Variants in CTNND2 observed in about 807,000 individuals in gnomAD.
The protein encoded by CTNND2 is catenin delta 2.
A neutral mutation model predicts 144.4 loss-of-function variants in CTNND2; 22 were observed. The ratio of observed to expected loss-of-function variants is 0.15; its 90% CI spans 0.11 to 0.22. CTNND2 has a LOEUF of 0.22. CTNND2 is among the 10% of genes least tolerant of loss of function. The pLI is 1.00. For synonymous variants in CTNND2, 751 were observed against 695.6 expected, an observed-to-expected ratio of 1.08 and a Z score of -1.25; for missense variants, 1,353 against 1,618.8, an observed-to-expected ratio of 0.84 and a Z score of 2.82.
intron 18 of CTNND2, among the ~76,000 whole-genome samples, chr5:11,013,235 T>C (rs1741271892): frequency 6.6e-6 from 1 of 152,208 alleles, no homozygotes; most frequent in South Asian, 2.1e-4. Flanking sequence ...GACTTCTCCA[T>C]GGGTGTCCAC....
At chr5:11,411,970 T>C (rs1300874947) in intron 4 of CTNND2, 65 bp downstream of exon 4, 2 of 1,301,232 alleles carry the variant, frequency 1.5e-6, no homozygotes, top group African/African-American at 2.9e-5. Flanking sequence ...CTAAAGTTCA[T>C]AAGAAAAGTC....
rs1316786685 is a variant in CTNND2 at position 11,346,602 on chromosome 5, G to T, written c.1398C>A (p.Ser466=). 11 of 1,549,602 alleles carry T rather than the reference G, an allele frequency of 7.1e-6. No individual in the cohort carries two copies. The highest frequency in any genetic ancestry group is 9.6e-6 in the Non-Finnish European group (11 of 1,146,798). The change falls in exon 9 of 22, where the codon TCC becomes TCA. Residue 466 remains serine, a synonymous_variant. Transcript: ENST00000304623. ...GGCTGCCTGTGCGCTGCAAGGGGAC[G>T]GAGTCGACACCAGGGGAAGATGGGG... ...STAPSSPGVD[S]VPLQRTGSQH...
intron 2 of CTNND2, among the ~76,000 whole-genome samples, chr5:11,597,672 C>G (rs544059819): frequency 6.6e-5 from 10 of 152,146 alleles, no homozygotes; most frequent in African/African-American, 1.7e-4. Context: ...CTCTCAGACT[C>G]AGGTGATCCT....
At chr5:11,733,753 T>A (rs1299435671) in intron 1 of CTNND2, among the ~76,000 whole-genome samples, 2 of 152,152 alleles carry the variant, frequency 1.3e-5, no homozygotes, top group Non-Finnish European at 2.9e-5. Context: ...CTGAGTTTAT[T>A]TGTGAAAGAA....
At chr5:11,861,818 G>GC (rs1482723600) in intron 1 of CTNND2, among the ~76,000 whole-genome samples, 3 of 152,150 alleles carry the variant, frequency 2.0e-5, no homozygotes, top group Admixed American at 1.3e-4. Context: ...CTGTGTGCCA[G>GC]CCATGATTGG....
chr5:11,127,592 G>T (rs1754806186), intron 12 of CTNND2, among the ~76,000 whole-genome samples: 1 of 152,166 alleles, frequency 6.6e-6, no homozygotes, highest in African/African-American at 2.4e-5. Context: ...CATTGGCTGG[G>T]CTGGGTTTCC....
In CTNND2 at chr5:11,903,963, T is replaced by C; in HGVS notation, c.-110A>G. 2.4e-6 allele frequency: 3 copies of C among 1,226,936 alleles called. No homozygotes were observed. Among genetic ancestry groups the C allele is most frequent in the Non-Finnish European group, 3.1e-6 (3 of 967,346 alleles). The allele number at this position is 1,226,936 out of a possible 1,614,324, so 76.0% of individuals were successfully genotyped here. A position where few individuals can be genotyped will look rare whatever the true frequency, so the allele number is the denominator to read the frequency against. On this transcript the variant is annotated 5_prime_UTR_variant, in exon 1 of 22. Coordinates refer to ENST00000304623, the MANE Select transcript of CTNND2 (RefSeq NM_001332.4). The surrounding 1 kb of genome is among the most constrained non-coding windows in gnomAD (Gnocchi z 5.4). ...CCAACTGCAGCATCTTCCGCTTTTGTTGTCTGAGCGCGGCCGCGGGACAAG... is the reference window on the plus strand; with the variant it reads ...CCAACTGCAGCATCTTCCGCTTTTGCTGTCTGAGCGCGGCCGCGGGACAAG...
rs199736420 is a variant in CTNND2 at position 11,851,259 on chromosome 5, ACATG to A, written c.37+52554_37+52557del. Among the ~76,000 whole-genome samples the A allele has an allele frequency of 4.3e-5, 6 of 139,930 alleles. No individual in the cohort carries two copies. In the East Asian group the frequency reaches 8.4e-4, roughly 20 times the overall value. The allele number at this position is 139,930 out of a possible 152,430, so 91.8% of individuals were successfully genotyped here. ...ATAATATTCATATTATCTCTCTAATACATGCGTGTGTGTGCGTATGTGGGTGTGA... is the reference window on the plus strand; with the variant it reads ...ATAATATTCATATTATCTCTCTAATACGTGTGTGTGCGTATGTGGGTGTGA... On this transcript the variant is annotated intron_variant, in intron 1 of 21. Transcript: ENST00000304623.
At chr5:11,585,010 C>T (rs1044579984) in intron 2 of CTNND2, among the ~76,000 whole-genome samples, 2 of 152,108 alleles carry the variant, frequency 1.3e-5, no homozygotes, top group Non-Finnish European at 2.9e-5. Context: ...GCAGATAAAT[C>T]ACAAAACCCT....
intron 1 of CTNND2, among the ~76,000 whole-genome samples, chr5:11,740,215 A>G (rs1787924861): frequency 6.6e-6 from 1 of 152,234 alleles, no homozygotes; most frequent in Non-Finnish European, 1.5e-5. Flanking sequence ...GAACCAAAAA[A>G]GAGCCCACAC....
chr5:11,530,704 T>A (rs1773675289), intron 3 of CTNND2, among the ~76,000 whole-genome samples: 2 of 152,288 alleles, frequency 1.3e-5, no homozygotes, highest in South Asian at 4.1e-4. Context: ...GCCTTAACAA[T>A]ATTTCTGATC....
At chr5:11,350,191 T>C (rs1755185332) in intron 8 of CTNND2, among the ~76,000 whole-genome samples, 1 of 152,122 alleles carries the variant, frequency 6.6e-6, no homozygotes, top group South Asian at 2.1e-4. Context: ...AAGAGGTGGG[T>C]TCCCCCTTTA....
intron 12 of CTNND2, among the ~76,000 whole-genome samples, chr5:11,141,499 C>T (rs1756718170): frequency 6.6e-6 from 1 of 152,082 alleles, no homozygotes; most frequent in African/African-American, 2.4e-5. Context: ...GTAAAAATAT[C>T]CTTTGGGGAT....
intron 1 of CTNND2, among the ~76,000 whole-genome samples, chr5:11,797,370 A>G (rs78945404): frequency 0.018 from 2,689 of 152,262 alleles, 89 homozygotes; most frequent in African/African-American, 0.062. Context: ...GACTTCCAAA[A>G]TGGGGCAAGG....
At chr5:11,781,952 C>A (rs1790561999) in intron 1 of CTNND2, among the ~76,000 whole-genome samples, 1 of 152,216 alleles carries the variant, frequency 6.6e-6, no homozygotes, top group Non-Finnish European at 1.5e-5. Context: ...TGGGTCCACC[C>A]AAATCTCATC....
At chr5:11,703,441 T>C (rs1026597066) in intron 2 of CTNND2, among the ~76,000 whole-genome samples, 1 of 152,176 alleles carries the variant, frequency 6.6e-6, no homozygotes, top group Non-Finnish European at 1.5e-5. Flanking sequence ...TTGCCTTGCC[T>C]TTACCTGGGT....
intron 3 of CTNND2, among the ~76,000 whole-genome samples, chr5:11,534,198 C>T (rs1262580143): frequency 6.6e-6 from 1 of 152,094 alleles, no homozygotes; most frequent in Non-Finnish European, 1.5e-5. Flanking sequence ...ATTGAAAACC[C>T]CAAGTTTGTT....
rs371101318 is a variant in CTNND2, at chr5:11,112,248, G to A, written c.2278-1205C>T. ...TAATCAGCTGCTTGTCAGATGGGGAGGTTATCTGGATTGTTCGGGTGGGCC... is the reference window on the plus strand; with the variant it reads ...TAATCAGCTGCTTGTCAGATGGGGAAGTTATCTGGATTGTTCGGGTGGGCC... On this transcript the variant is annotated intron_variant, in intron 13 of 21. Coordinates refer to ENST00000304623, the MANE Select transcript of CTNND2 (RefSeq NM_001332.4). Among the ~76,000 whole-genome samples the A allele has an allele frequency of 1.4e-4, 21 of 152,294 alleles. 1 individual carries two copies. In the East Asian group the frequency reaches 2.9e-3, roughly 21 times the overall value.
intron 1 of CTNND2, among the ~76,000 whole-genome samples, chr5:11,759,146 G>A (rs185842433): frequency 3.3e-5 from 5 of 152,080 alleles, no homozygotes; most frequent in Admixed American, 6.6e-5. Flanking sequence ...TCTTTTTGGA[G>A]GGAGAGGTCC....
Sources: gnomAD v4.1 joint callset for allele counts (sites outside exome capture counted in the v4.1 genomes callset) on GRCh38, gnomAD v4.1.1 for gene constraint, Gnocchi (gnomAD v3.1) non-coding constraint, MANE v1.5 for transcripts, NCBI Gene and HGNC (gene_info 2026-07-23, HGNC 2026-07-21) for gene names.